The following SV2C variants were observed in gnomAD, a reference collection of about 807,000 sequenced individuals.
SV2C encodes solute carrier family 22 member B3.
A neutral mutation model predicts 79.7 loss-of-function variants in SV2C; 49 were observed. That is an observed-to-expected ratio of 0.61 (90% CI 0.49 to 0.78). SV2C has a LOEUF of 0.78. SV2C is among the 30% of genes least tolerant of loss of function. The probability of loss-of-function intolerance (pLI) is 0.00; values close to 1 mark genes in which losing one functional copy is unlikely to be tolerated. For synonymous variants in SV2C, 334 were observed against 333.2 expected (o/e 1.00, Z -0.03); for missense variants, 833 against 912.9 (o/e 0.91, Z 1.13).
chr5:76,231,446 T>A (rs1054152933), intron 4 of SV2C, among the ~76,000 whole-genome samples: 2 of 152,066 alleles, frequency 1.3e-5, no homozygotes, highest in African/African-American at 4.8e-5. Flanking sequence ...ATTTATTTTT[T>A]TTTATTATAC....
At chr5:75,854,924 C>T in the SV2C span, among the ~76,000 whole-genome samples, 3 of 152,008 alleles carry the variant, frequency 2.0e-5, no homozygotes, top group African/African-American at 4.8e-5. Flanking sequence ...CTTCCCCAGC[C>T]CCCAGCTGGA....
chr5:75,940,287 A>T, the SV2C span, among the ~76,000 whole-genome samples: 15 of 152,030 alleles, frequency 9.9e-5, no homozygotes, highest in African/African-American at 3.6e-4. Flanking sequence ...TCACTTGGGC[A>T]TGGGAGGCAG....
intron 2 of SV2C, among the ~76,000 whole-genome samples, chr5:76,183,745 G>A (rs1053651684): frequency 3.3e-5 from 5 of 151,972 alleles, no homozygotes; most frequent in African/African-American, 1.2e-4. Context: ...GGTGTGCTAT[G>A]CTCTGACACA....
the SV2C span, among the ~76,000 whole-genome samples, chr5:75,964,130 G>A: frequency 1.3e-5 from 2 of 152,088 alleles, no homozygotes; most frequent in South Asian, 4.2e-4. Context: ...GTCTGTTCAT[G>A]TTTTCTTTCT....
At chr5:76,169,686 A>G (rs1743154429) in intron 2 of SV2C, among the ~76,000 whole-genome samples, 1 of 152,210 alleles carries the variant, frequency 6.6e-6, no homozygotes, top group Non-Finnish European at 1.5e-5. Context: ...TAAACCGATT[A>G]AGGAAGCTCA....
At chr5:76,211,636 C>G in intron 4 of SV2C, among the ~76,000 whole-genome samples, 1 of 152,168 alleles carries the variant, frequency 6.6e-6, no homozygotes, top group African/African-American at 2.4e-5. Context: ...AAAACTCATT[C>G]TTTGCTCATT....
At chr5:76,168,699 TCTA>T (rs1019719605) in intron 2 of SV2C, among the ~76,000 whole-genome samples, 4 of 152,192 alleles carry the variant, frequency 2.6e-5, no homozygotes, top group South Asian at 2.1e-4. Context: ...TAAATTATGT[TCTA>T]CTGTGTTCTC....
chr5:76,066,942 G>A, the SV2C span, among the ~76,000 whole-genome samples: 1 of 152,078 alleles, frequency 6.6e-6, no homozygotes, highest in Non-Finnish European at 1.5e-5. Flanking sequence ...GAGTTTAAAA[G>A]CTCACTTTGC....
the SV2C span, among the ~76,000 whole-genome samples, chr5:76,030,739 G>C: frequency 6.6e-6 from 1 of 151,284 alleles, no homozygotes; most frequent in Non-Finnish European, 1.5e-5. Flanking sequence ...TCCAGCCTGG[G>C]CAACAGAGTG....
At chr5:75,895,499 A>G in the SV2C span, among the ~76,000 whole-genome samples, 1 of 152,222 alleles carries the variant, frequency 6.6e-6, no homozygotes, top group East Asian at 1.9e-4. Context: ...ACCAAATAGA[A>G]ATTTTGGGGA....
chr5:76,168,277 A>G (rs1743102755), intron 2 of SV2C, among the ~76,000 whole-genome samples: 1 of 151,874 alleles, frequency 6.6e-6, no homozygotes, highest in Non-Finnish European at 1.5e-5. Flanking sequence ...GCCTTCCCCG[A>G]CCTCTGGGAC....
intron 4 of SV2C, among the ~76,000 whole-genome samples, chr5:76,280,356 A>G (rs564965223): frequency 7.3e-4 from 111 of 151,594 alleles, no homozygotes; most frequent in African/African-American, 2.6e-3. Context: ...CAGCTGTTCA[A>G]TGGAAGAATC....
chr5:75,914,880 A>G, the SV2C span, among the ~76,000 whole-genome samples: 2 of 152,200 alleles, frequency 1.3e-5, no homozygotes, highest in South Asian at 2.1e-4. Context: ...GCAATTTACA[A>G]AAGAAAGAGA....
Position 76,131,948 on chromosome 5 carries a change from T to C in SV2C, c.198T>C (p.Asn66=). 1.2e-6 allele frequency: 2 copies of C among 1,613,976 alleles called. No homozygotes were observed. ...DDYYPAGETY[N]GEANDDEGSS... ...ACTACCCGGCTGGAGAAACCTATAATGGTGAGGCCAACGATGACGAAGGCT... is the reference window on the plus strand; with the variant it reads ...ACTACCCGGCTGGAGAAACCTATAACGGTGAGGCCAACGATGACGAAGGCT... The change falls in exon 2 of 13, where the codon AAT becomes AAC. Residue 66 remains asparagine (N), a synonymous_variant. Transcript: ENST00000502798.
At chr5:75,995,204 A>T in the SV2C span, among the ~76,000 whole-genome samples, 1 of 152,134 alleles carries the variant, frequency 6.6e-6, no homozygotes, top group African/African-American at 2.4e-5. Context: ...ACCCTTACAG[A>T]CATACTTAGA....
the SV2C span, among the ~76,000 whole-genome samples, chr5:76,066,161 C>T: frequency 2.0e-4 from 31 of 151,900 alleles, no homozygotes; most frequent in African/African-American, 6.3e-4. Flanking sequence ...ATGTTTATTG[C>T]GGCACTATTC....
the SV2C span, among the ~76,000 whole-genome samples, chr5:75,975,142 A>G: frequency 6.6e-6 from 1 of 152,144 alleles, no homozygotes; most frequent in East Asian, 1.9e-4. Flanking sequence ...GAAGAGCCAA[A>G]CCAAAAACCA....
At chr5:76,302,149 G>C (rs1446031716) in intron 12 of SV2C, among the ~76,000 whole-genome samples, 2 of 152,174 alleles carry the variant, frequency 1.3e-5, no homozygotes, top group African/African-American at 4.8e-5. Context: ...GTGAGGATTA[G>C]AGTTTAATAG....
chr5:76,293,063 G>C (rs1308574018), intron 8 of SV2C, among the ~76,000 whole-genome samples: 1 of 152,166 alleles, frequency 6.6e-6, no homozygotes, highest in African/African-American at 2.4e-5. Context: ...AGGAAGCTGG[G>C]AGTCAGGAGA....
Sources: allele counts gnomAD v4.1 joint callset (sites outside exome capture counted in the v4.1 genomes callset), GRCh38; gene constraint gnomAD v4.1.1; transcripts MANE v1.5; gene names NCBI Gene and HGNC (gene_info 2026-07-23, HGNC 2026-07-21).